The following SLC1A2 variants were observed in gnomAD, a reference collection of about 807,000 sequenced individuals.
SLC1A2 encodes excitatory amino acid transporter 2.
In SLC1A2, 15 loss-of-function variants were observed where a neutral mutation model predicts 48.8. The observed-to-expected ratio is 0.31, with a 90% CI of 0.21 to 0.47. The LOEUF is 0.47. SLC1A2 is among the 20% of genes least tolerant of loss of function. The probability of loss-of-function intolerance (pLI) is 0.99; values close to 1 mark genes in which losing one functional copy is unlikely to be tolerated. For missense variants in SLC1A2, 502 were observed against 730.5 expected (o/e 0.69, Z 3.61); for synonymous variants, 279 against 272.6 (o/e 1.02, Z -0.23).
chr11:35,404,870 A>C (rs1294325824), intron 1 of SLC1A2, among the ~76,000 whole-genome samples: 1 of 152,220 alleles, frequency 6.6e-6, no homozygotes, highest in African/African-American at 2.4e-5. Context: ...GTCAGAGCAG[A>C]CGAGAAAACC....
At position 35,258,020 on chromosome 11, in the gene SLC1A2, C is replaced by A. The variant is rs1176163349; in HGVS notation, c.*2874G>T. The stretch of plus-strand genomic sequence containing the variant: ...TTAGATAAAGGTTATTAGAGGTATA[C>A]CCTGGATCCATTTGTTCTGTTTATG... On this transcript the variant is annotated 3_prime_UTR_variant, in exon 11 of 11. Coordinates refer to ENST00000278379, the MANE Select transcript of SLC1A2 (RefSeq NM_004171.4). 1 of 152,102 alleles carries A rather than the reference C, an allele frequency of 6.6e-6. No individual in the cohort carries two copies. Among genetic ancestry groups the A allele is most frequent in the Non-Finnish European group, 1.5e-5 (1 of 68,018 alleles). 9.4% of individuals were successfully genotyped at this position (152,102 alleles called of 1,614,324 possible).
chr11:35,415,039 C>T (rs148009379), intron 1 of SLC1A2, among the ~76,000 whole-genome samples: 27 of 152,316 alleles, frequency 1.8e-4, no homozygotes, highest in Admixed American at 5.9e-4. Flanking sequence ...AGCTTCAAAT[C>T]ATGAAAAAGC....
intron 1 of SLC1A2, among the ~76,000 whole-genome samples, chr11:35,373,355 C>A (rs1017013785): frequency 2.0e-5 from 3 of 152,130 alleles, no homozygotes; most frequent in African/African-American, 7.2e-5. Context: ...CAGGTTGGGC[C>A]CCCTCATGAA....
rs1950284533 is a variant in SLC1A2, at chr11:35,254,359, G to T, written c.*6535C>A. On this transcript the variant is annotated 3_prime_UTR_variant, in exon 11 of 11. Transcript: ENST00000278379. Reference sequence around the variant, plus strand: ...AGGTGATTTGTAGAAAAATCTAGATGCCAAAGGATGACTTTCTATAAGGGA... The same window carrying T: ...AGGTGATTTGTAGAAAAATCTAGATTCCAAAGGATGACTTTCTATAAGGGA... 6.3e-6 allele frequency: 1 copy of T among 157,880 alleles called. No homozygotes were observed. The highest frequency in any genetic ancestry group is 2.4e-5 in the African/African-American group (1 of 41,472). The allele number at this position is 157,880 out of a possible 1,614,324, so 9.8% of individuals were successfully genotyped here.
At chr11:35,323,683 T>C (rs1036587716) in intron 1 of SLC1A2, among the ~76,000 whole-genome samples, 4 of 152,148 alleles carry the variant, frequency 2.6e-5, no homozygotes, top group African/African-American at 9.7e-5. Context: ...ATGAGACAGC[T>C]CAGTAGCTAT....
intron 1 of SLC1A2, among the ~76,000 whole-genome samples, chr11:35,350,757 T>C (rs1218287891): frequency 6.6e-6 from 1 of 152,192 alleles, no homozygotes; most frequent in Non-Finnish European, 1.5e-5. Context: ...CAAGCCTGAT[T>C]AGGAAGATGC....
chr11:35,352,719 C>G (rs1853308458), intron 1 of SLC1A2, among the ~76,000 whole-genome samples: 1 of 152,200 alleles, frequency 6.6e-6, no homozygotes, highest in Non-Finnish European at 1.5e-5. Flanking sequence ...ATACACCTTA[C>G]TGGATACATT....
chr11:35,407,998 G>A (rs775314002), intron 1 of SLC1A2, among the ~76,000 whole-genome samples: 26 of 152,106 alleles, frequency 1.7e-4, no homozygotes, highest in South Asian at 4.2e-4. Flanking sequence ...TATTCCACTC[G>A]CCACAAATGC....
rs563693345 is a variant in SLC1A2 at position 35,337,089 on chromosome 11, C to T, written c.18-19573G>A. ...TAAAGAGTTGTGGTTGTAAAATATCCACCTCCTAAACTACTGCAGAGCTGC... is the reference window on the plus strand; with the variant it reads ...TAAAGAGTTGTGGTTGTAAAATATCTACCTCCTAAACTACTGCAGAGCTGC... On this transcript the variant is annotated intron_variant, in intron 1 of 10. Transcript: ENST00000278379. Among the ~76,000 whole-genome samples the T allele has an allele frequency of 3.3e-5, 5 of 152,046 alleles. No individual in the cohort carries two copies. In the South Asian group the frequency reaches 1.0e-3, roughly 32 times the overall value.
At chr11:35,315,655 T>G (rs1271896942) in intron 2 of SLC1A2, 1 of 153,722 alleles carries the variant, frequency 6.5e-6, no homozygotes, top group African/African-American at 2.4e-5. Context: ...TTTAGCTGGG[T>G]GTGGTGGCGG....
intron 4 of SLC1A2, among the ~76,000 whole-genome samples, chr11:35,308,156 T>A (rs1019163126): frequency 2.6e-5 from 4 of 152,200 alleles, no homozygotes; most frequent in South Asian, 4.1e-4. Context: ...GCTGTCAGGA[T>A]CAGGCAGGAG....
chr11:35,283,545 G>A (rs1565212776), intron 8 of SLC1A2, among the ~76,000 whole-genome samples: 1 of 152,144 alleles, frequency 6.6e-6, no homozygotes, highest in South Asian at 2.1e-4. Context: ...CAAACCCTGT[G>A]TAGATAAATT....
chr11:35,254,506 G>T lies in SLC1A2; in HGVS notation c.*6388C>A. 3.7e-6 allele frequency: 1 copy of T among 269,426 alleles called. No homozygotes were observed. Among genetic ancestry groups the T allele is most frequent in the Non-Finnish European group, 7.3e-6 (1 of 136,430 alleles). The allele number at this position is 269,426 out of a possible 1,614,324, so 16.7% of individuals were successfully genotyped here. A position where few individuals can be genotyped will look rare whatever the true frequency, so the allele number is the denominator to read the frequency against. On this transcript the variant is annotated 3_prime_UTR_variant, in exon 11 of 11. Coordinates refer to ENST00000278379, the MANE Select transcript of SLC1A2 (RefSeq NM_004171.4). ...GAGATGTGCTGGACCAACTTCCTTGGCTAGTGTGTGTATTTGCCCCCTAGC... is the reference window on the plus strand; with the variant it reads ...GAGATGTGCTGGACCAACTTCCTTGTCTAGTGTGTGTATTTGCCCCCTAGC...
chr11:35,400,765 G>A (rs541657700), intron 1 of SLC1A2, among the ~76,000 whole-genome samples: 1 of 152,132 alleles, frequency 6.6e-6, no homozygotes, highest in Non-Finnish European at 1.5e-5. Flanking sequence ...GTTTACTGGT[G>A]AAAAGTGTCA....
At chr11:35,309,691 G>T (rs550762957) in intron 4 of SLC1A2, among the ~76,000 whole-genome samples, 1 of 151,144 alleles carries the variant, frequency 6.6e-6, no homozygotes, top group Non-Finnish European at 1.5e-5. Context: ...ATGACTTCTA[G>T]CTGTACTCAT....
At chr11:35,387,427 A>G (rs1052288352) in intron 1 of SLC1A2, among the ~76,000 whole-genome samples, 1 of 152,036 alleles carries the variant, frequency 6.6e-6, no homozygotes, top group African/African-American at 2.4e-5. Flanking sequence ...AACATCCCCT[A>G]CTTTTCCACA....
At chr11:35,399,062 T>G (rs1005431001) in intron 1 of SLC1A2, among the ~76,000 whole-genome samples, 1 of 151,974 alleles carries the variant, frequency 6.6e-6, no homozygotes, top group African/African-American at 2.4e-5. Flanking sequence ...TTTGAGAGAG[T>G]TTATTTGCAT....
chr11:35,377,099 G>A (rs541311102), intron 1 of SLC1A2, among the ~76,000 whole-genome samples: 3 of 152,272 alleles, frequency 2.0e-5, no homozygotes, highest in South Asian at 4.1e-4. Context: ...GGGCACTGAC[G>A]TAAACACTCT....
intron 10 of SLC1A2, among the ~76,000 whole-genome samples, chr11:35,263,605 G>C (rs543198868): frequency 2.0e-5 from 3 of 151,970 alleles, no homozygotes; most frequent in African/African-American, 7.3e-5. Context: ...ATATTAAGAG[G>C]CCTCTTGAGA....
Sources: gnomAD v4.1 joint callset for allele counts (sites outside exome capture counted in the v4.1 genomes callset) on GRCh38, gnomAD v4.1.1 for gene constraint, MANE v1.5 for transcripts, NCBI Gene and HGNC (gene_info 2026-07-23, HGNC 2026-07-21) for gene names.